The following BCO1 variants were observed in gnomAD, a reference collection of about 807,000 sequenced individuals.
BCO1 encodes the protein beta-carotene oxygenase 1.
In BCO1, 54 loss-of-function variants were observed where a neutral mutation model predicts 56.3. The observed-to-expected ratio is 0.96, with a 90% CI of 0.77 to 1.20. BCO1 has a LOEUF of 1.20. Ranked by LOEUF, BCO1 falls within the 50% of genes most tolerant of loss-of-function variation. The pLI is 0.00. For missense variants in BCO1, 801 were observed against 690.9 expected, an observed-to-expected ratio of 1.16 and a Z score of -1.79; for synonymous variants, 318 against 266.1, an observed-to-expected ratio of 1.20 and a Z score of -1.90.
chr16:81,239,040 G>T, intron 1 of BCO1, 68 bp downstream of exon 1: 2 of 1,337,464 alleles, frequency 1.5e-6, no homozygotes, highest in South Asian at 1.3e-5. Flanking sequence ...TTTTTGAGGC[G>T]GAGTCTCGCT....
At chr16:81,279,000 G>C (rs1211773920) in intron 7 of BCO1, among the ~76,000 whole-genome samples, 1 of 152,126 alleles carries the variant, frequency 6.6e-6, no homozygotes, top group Non-Finnish European at 1.5e-5. Flanking sequence ...TTTTGAGCCA[G>C]GTGTACTGGC....
intron 7 of BCO1, among the ~76,000 whole-genome samples, chr16:81,273,479 C>G (rs992848048): frequency 6.6e-6 from 1 of 152,142 alleles, no homozygotes; most frequent in Non-Finnish European, 1.5e-5. Flanking sequence ...ACCCTCCCAG[C>G]CAGCGGGCAG....
At position 81,249,552 on chromosome 16, in the gene BCO1, G is replaced by A. The variant is rs181303182; in HGVS notation, c.193+3949G>A. 1.1e-3 allele frequency among the ~76,000 whole-genome samples: 174 copies of A among 152,176 alleles called. 1 individual carries two copies. Among genetic ancestry groups the A allele is most frequent in the Admixed American group, 1.0e-2 (152 of 15,272 alleles). On this transcript the variant is annotated intron_variant, in intron 2 of 10. Coordinates refer to ENST00000258168, the MANE Select transcript of BCO1 (RefSeq NM_017429.3). ...ATTACAGGTGTGAGCCACTGTGCCC[G>A]GCCCCGGCTAGGTTTTTTTGTATTT...
chr16:81,285,209 A>C (rs1343503181), intron 8 of BCO1, among the ~76,000 whole-genome samples: 2 of 152,204 alleles, frequency 1.3e-5, no homozygotes, highest in Non-Finnish European at 2.9e-5. Flanking sequence ...CTTTTTTGAA[A>C]AAAAGCTTTA....
chr16:81,272,370 G>T (rs528030835), intron 7 of BCO1, among the ~76,000 whole-genome samples: 3 of 148,494 alleles, frequency 2.0e-5, no homozygotes, highest in Admixed American at 1.3e-4. Context: ...CGCCCGCCTT[G>T]GCCTCCCAAA....
intron 10 of BCO1, 120 bp from the exon 11 acceptor site, chr16:81,290,228 C>A: frequency 1.2e-6 from 1 of 852,222 alleles, no homozygotes; most frequent in Non-Finnish European, 1.9e-6. Context: ...CTCAAATTCA[C>A]TCCCTCCTGT....
chr16:81,287,636 T>G (rs1473396982), intron 10 of BCO1, among the ~76,000 whole-genome samples: 2 of 152,148 alleles, frequency 1.3e-5, no homozygotes, highest in African/African-American at 4.8e-5. Flanking sequence ...GCCTTCAGCT[T>G]CAATAATTCA....
chr16:81,277,440 G>A (rs1374073645), intron 7 of BCO1, among the ~76,000 whole-genome samples: 2 of 152,216 alleles, frequency 1.3e-5, no homozygotes, highest in Non-Finnish European at 2.9e-5. Flanking sequence ...CCTGCACGAT[G>A]TGTGTGGCCC....
chr16:81,272,898 T>C (rs924958668), intron 7 of BCO1, among the ~76,000 whole-genome samples: 8 of 152,166 alleles, frequency 5.3e-5, no homozygotes, highest in South Asian at 2.1e-4. Flanking sequence ...TTAAGAAATG[T>C]GGGCAAGGTC....
chr16:81,256,686 G>T (rs1300859477), intron 2 of BCO1, among the ~76,000 whole-genome samples: 1 of 152,112 alleles, frequency 6.6e-6, no homozygotes, highest in African/African-American at 2.4e-5. Flanking sequence ...TTAGGAGTTT[G>T]AGACCAGCCC....
At chr16:81,287,187 T>A in intron 9 of BCO1, 108 bp from the exon 10 acceptor site, 1 of 860,616 alleles carries the variant, frequency 1.2e-6, no homozygotes, top group Admixed American at 1.8e-5. Context: ...AAAGTCTACA[T>A]CCGATGGGCT....
rs921403529 is a variant in BCO1, at chr16:81,265,250, C to G, written c.619+463C>G. Among the ~76,000 whole-genome samples, 3 of 150,930 alleles carry G rather than the reference C, an allele frequency of 2.0e-5. No individual in the cohort carries two copies. The East Asian group carries it at 5.9e-4, about 30-fold the overall frequency. ...ACCCATCCACCTATCCACCCCTTAT[C>G]TAGCCAGCCACTCACCATCCATCCA... On this transcript the variant is annotated intron_variant, in intron 5 of 10. Transcript: ENST00000258168.
chr16:81,256,074 C>A (rs1906117750), intron 2 of BCO1, among the ~76,000 whole-genome samples: 1 of 151,974 alleles, frequency 6.6e-6, no homozygotes, highest in South Asian at 2.1e-4. Context: ...CCTCTACCTC[C>A]CAAATTGCTA....
intron 2 of BCO1, among the ~76,000 whole-genome samples, chr16:81,252,862 A>G (rs533359683): frequency 7.9e-5 from 12 of 152,122 alleles, no homozygotes; most frequent in Non-Finnish European, 1.5e-4. Flanking sequence ...ACATTACCAC[A>G]TCTCATTTAA....
Position 81,270,412 on chromosome 16 carries a change from A to G in BCO1, c.1097A>G (p.Asp366Gly), listed in dbSNP as rs1250255265. ...LRRFAVPLHV[D>G]KNAEVGTNLI... ...AGGTTTGCCGTGCCCCTCCACGTGG[A>G]CAAGGTAATGGCTTCCAAGGAGGTC... Residue 366 changes from aspartate to glycine, a missense_variant, in exon 7 of 11, where the codon GAC becomes GGC. Physicochemically the swap from Asp to Gly is moderately conservative, Grantham distance 94. Transcript: ENST00000258168. 1.2e-6 allele frequency: 2 copies of G among 1,614,090 alleles called. No individual in the cohort carries two copies. Among genetic ancestry groups the G allele is most frequent in the South Asian group, 2.2e-5 (2 of 91,076 alleles).
At chr16:81,248,018 G>T (rs568667049) in intron 2 of BCO1, among the ~76,000 whole-genome samples, 1 of 152,214 alleles carries the variant, frequency 6.6e-6, no homozygotes, top group African/African-American at 2.4e-5. Flanking sequence ...GTATCTCATG[G>T]AGCTGCTATT....
At chr16:81,277,556 T>C (rs1907631334) in intron 7 of BCO1, among the ~76,000 whole-genome samples, 1 of 152,174 alleles carries the variant, frequency 6.6e-6, no homozygotes, top group Non-Finnish European at 1.5e-5. Context: ...CTAAAAGTTA[T>C]GAATCACCAC....
intron 2 of BCO1, among the ~76,000 whole-genome samples, chr16:81,251,039 C>G (rs1203393235): frequency 3.9e-5 from 6 of 152,146 alleles, no homozygotes; most frequent in Admixed American, 3.9e-4. Context: ...GCTGCCCAGG[C>G]CTAACCAAAA....
intron 2 of BCO1, among the ~76,000 whole-genome samples, chr16:81,259,422 A>C (rs888095933): frequency 6.6e-6 from 1 of 152,138 alleles, no homozygotes; most frequent in African/African-American, 2.4e-5. Flanking sequence ...TGAACCCAGG[A>C]GGCGGAGGTT....
Sources: gnomAD v4.1 joint callset for allele counts (sites outside exome capture counted in the v4.1 genomes callset) on GRCh38, gnomAD v4.1.1 for gene constraint, MANE v1.5 for transcripts, NCBI Gene and HGNC (gene_info 2026-07-23, HGNC 2026-07-21) for gene names.